ANKRD33B: variants seen among roughly 807,000 people sequenced by gnomAD.
ANKRD33B encodes the protein ankyrin repeat domain 33B.
ANKRD33B carries 6 observed loss-of-function variants against 21.5 expected under a neutral mutation model. The observed-to-expected ratio is 0.28, with a 90% CI of 0.15 to 0.55. The LOEUF is 0.55. Ranked by LOEUF, ANKRD33B falls within the 20% of genes least tolerant of loss-of-function variation. The pLI is 0.94. For missense variants in ANKRD33B, 698 were observed against 747.2 expected, an observed-to-expected ratio of 0.93 and a Z score of 0.77; for synonymous variants, 347 against 342.4, an observed-to-expected ratio of 1.01 and a Z score of -0.15.
chr5:10,606,013 T>A (rs1531838), intron 1 of ANKRD33B, among the ~76,000 whole-genome samples: 16,222 of 152,282 alleles, frequency 0.11, 1,336 homozygotes, highest in African/African-American at 0.23. Flanking sequence ...ACAGGCTTAG[T>A]TTTCTTTCAT....
intron 1 of ANKRD33B, among the ~76,000 whole-genome samples, chr5:10,578,948 G>A (rs560800615): frequency 6.6e-6 from 1 of 152,116 alleles, no homozygotes; most frequent in East Asian, 1.9e-4. Flanking sequence ...TGGATTGCCT[G>A]AGCCCAGGAG....
rs1180824078 is a variant in ANKRD33B, at chr5:10,624,208, C to A, written c.496+5746C>A. ...GCAGTGGCACAATCTCAGCTCTCTA[C>A]AACCTCTGCTTCCCAGGTTCAAGCG... On this transcript the variant is annotated intron_variant, in intron 2 of 3. Coordinates refer to ENST00000296657, the MANE Select transcript of ANKRD33B (RefSeq NM_001164440.2). 4.0e-5 allele frequency among the ~76,000 whole-genome samples: 6 copies of A among 148,920 alleles called. No individual in the cohort carries two copies. The East Asian group carries it at 1.2e-3, about 30-fold the overall frequency.
At chr5:10,599,426 A>G (rs989724246) in intron 1 of ANKRD33B, among the ~76,000 whole-genome samples, 1 of 152,114 alleles carries the variant, frequency 6.6e-6, no homozygotes, top group Non-Finnish European at 1.5e-5. Flanking sequence ...ATGTTGTGCA[A>G]ACATTATCAC....
chr5:10,590,614 G>A (rs1009574241), intron 1 of ANKRD33B, among the ~76,000 whole-genome samples: 1 of 150,332 alleles, frequency 6.7e-6, no homozygotes, highest in Non-Finnish European at 1.5e-5. Flanking sequence ...GCGCGTGTGT[G>A]TGTGTGTGTG....
Position 10,564,460 on chromosome 5 carries a change from C to A in ANKRD33B, c.-8C>A, listed in dbSNP as rs975240127. 56 of 1,167,562 alleles carry A rather than the reference C, an allele frequency of 4.8e-5. No homozygotes were observed. Among genetic ancestry groups the A allele is most frequent in the Non-Finnish European group, 4.3e-5 (41 of 947,424 alleles). The allele number at this position is 1,167,562 out of a possible 1,614,324, so 72.3% of individuals were successfully genotyped here. A position where few individuals can be genotyped will look rare whatever the true frequency, so the allele number is the denominator to read the frequency against. On this transcript the variant is annotated 5_prime_UTR_variant, in exon 1 of 4. Coordinates refer to ENST00000296657, the MANE Select transcript of ANKRD33B (RefSeq NM_001164440.2). Reference sequence around the variant, plus strand: ...CCCCGGCCCCCGGCCCGCGCCCCGGCCGCCGGCATGGTGCTGCTGGCCGGG... The same window carrying A: ...CCCCGGCCCCCGGCCCGCGCCCCGGACGCCGGCATGGTGCTGCTGGCCGGG...
At chr5:10,613,120 C>T (rs1239373953) in intron 1 of ANKRD33B, among the ~76,000 whole-genome samples, 2 of 152,114 alleles carry the variant, frequency 1.3e-5, no homozygotes, top group East Asian at 3.8e-4. Context: ...GCTCCCTGGG[C>T]CTCTGGTGCT....
At chr5:10,578,347 C>T (rs1299273120) in intron 1 of ANKRD33B, among the ~76,000 whole-genome samples, 1 of 152,204 alleles carries the variant, frequency 6.6e-6, no homozygotes, top group Non-Finnish European at 1.5e-5. Context: ...GACCCACCAA[C>T]AGCAGAATTT....
At position 10,576,452 on chromosome 5, in the gene ANKRD33B, T is replaced by C. The variant is rs184821271; in HGVS notation, c.366+11619T>C. 6.6e-6 allele frequency among the ~76,000 whole-genome samples: 1 copy of C among 152,330 alleles called. No homozygotes were observed. The highest frequency in any genetic ancestry group is 1.9e-4 in the East Asian group (1 of 5,186). ...ACATACATTTAAGTTTCAGGAGTTCTAGAACTTTTCTTAGAGTAGAAATCC... is the reference window on the plus strand; with the variant it reads ...ACATACATTTAAGTTTCAGGAGTTCCAGAACTTTTCTTAGAGTAGAAATCC... On this transcript the variant is annotated intron_variant, in intron 1 of 3. Transcript: ENST00000296657. The surrounding 1 kb of genome is among the most constrained non-coding windows in gnomAD (Gnocchi z 4.1).
chr5:10,590,828 C>G (rs573906164), intron 1 of ANKRD33B, among the ~76,000 whole-genome samples: 22 of 152,206 alleles, frequency 1.4e-4, no homozygotes, highest in African/African-American at 5.3e-4. Context: ...AGCAAATGCC[C>G]TTAGGGAAAG....
At chr5:10,568,618 T>G (rs2126542245) in intron 1 of ANKRD33B, among the ~76,000 whole-genome samples, 1 of 152,362 alleles carries the variant, frequency 6.6e-6, no homozygotes, top group South Asian at 2.1e-4. Context: ...CACTGCAACC[T>G]CCGCCTCCGG....
intron 1 of ANKRD33B, among the ~76,000 whole-genome samples, chr5:10,580,219 A>G (rs886595491): frequency 6.6e-6 from 1 of 152,252 alleles, no homozygotes; most frequent in Non-Finnish European, 1.5e-5. Context: ...TGTCAATTAC[A>G]GTGGAGGATG....
chr5:10,581,743 C>T (rs1293624660), intron 1 of ANKRD33B, among the ~76,000 whole-genome samples: 1 of 152,194 alleles, frequency 6.6e-6, no homozygotes, highest in African/African-American at 2.4e-5. Flanking sequence ...TGGACCTCAT[C>T]CAATCAGTTG....
At chr5:10,618,516 C>A in intron 2 of ANKRD33B, 54 bp downstream of exon 2, 1 of 1,469,552 alleles carries the variant, frequency 6.8e-7, no homozygotes, top group East Asian at 2.5e-5. Context: ...GCACCGCCGC[C>A]GGGCAGCCCG....
At chr5:10,637,879 TC>T in intron 2 of ANKRD33B, 148 bp from the exon 3 acceptor site, 6 of 873,140 alleles carry the variant, frequency 6.9e-6, no homozygotes, top group Non-Finnish European at 1.0e-5. Flanking sequence ...CCAGGAGAAT[TC>T]TGTCTTGGGG....
At chr5:10,600,401 A>G (rs1323982409) in intron 1 of ANKRD33B, among the ~76,000 whole-genome samples, 1 of 152,248 alleles carries the variant, frequency 6.6e-6, no homozygotes, top group Non-Finnish European at 1.5e-5. Context: ...ATTTCATTAA[A>G]TAGAATCCAG....
chr5:10,608,850 G>C (rs1033995040), intron 1 of ANKRD33B, among the ~76,000 whole-genome samples: 1 of 152,140 alleles, frequency 6.6e-6, no homozygotes, highest in Non-Finnish European at 1.5e-5. Context: ...GAAAACAATC[G>C]CAACACCCTT....
chr5:10,646,702 T>C (rs1737195768), intron 3 of ANKRD33B, among the ~76,000 whole-genome samples: 1 of 152,248 alleles, frequency 6.6e-6, no homozygotes. Flanking sequence ...AATGACACTT[T>C]TACTGCCCCC....
At chr5:10,583,104 C>T (rs1735479277) in intron 1 of ANKRD33B, among the ~76,000 whole-genome samples, 1 of 151,776 alleles carries the variant, frequency 6.6e-6, no homozygotes, top group Non-Finnish European at 1.5e-5. Context: ...TCAAGTAACT[C>T]TCCTGCCTCA....
intron 2 of ANKRD33B, among the ~76,000 whole-genome samples, chr5:10,626,114 C>T (rs540240819): frequency 5.3e-4 from 81 of 152,330 alleles, no homozygotes; most frequent in Non-Finnish European, 8.2e-4. Context: ...AGCCAGGGGC[C>T]GGAGTGGGAG....
Sources: allele counts gnomAD v4.1 joint callset (sites outside exome capture counted in the v4.1 genomes callset), GRCh38; gene constraint gnomAD v4.1.1; non-coding constraint Gnocchi (gnomAD v3.1); transcripts MANE v1.5; gene names NCBI Gene and HGNC (gene_info 2026-07-23, HGNC 2026-07-21).